Variants in PCDHGB4 observed in about 807,000 individuals in gnomAD.
PCDHGB4 encodes protocadherin gamma-B4.
A neutral mutation model predicts 60.5 loss-of-function variants in PCDHGB4; 38 were observed. That is an observed-to-expected ratio of 0.63 (90% CI 0.48 to 0.82). PCDHGB4 has a LOEUF of 0.82. Among genes scored for constraint, PCDHGB4 ranks in the 40% least tolerant of loss-of-function variants. The pLI, the probability that PCDHGB4 is intolerant of heterozygous loss-of-function variation, is 0.00. For missense variants in PCDHGB4, 1,109 were observed against 1,209.6 expected (o/e 0.92, Z 1.23); for synonymous variants, 456 against 509.7 (o/e 0.89, Z 1.42).
intron 1 of PCDHGB4, chr5:141,399,197 T>G: frequency 6.2e-7 from 1 of 1,613,926 alleles, no homozygotes; most frequent in Non-Finnish European, 8.5e-7. Context: ...GAAAACGCGG[T>G]GCCTGGAACA....
At position 141,489,185 on chromosome 5, in the gene PCDHGB4, T is replaced by TCTA; in HGVS notation, c.2398-5620_2398-5618dup. Reference sequence around the variant, plus strand: ...CAGCTGCTGCATTCCAAGCCCTGGGTCTACCTTGGAGACAGGACAGCACAG... The same window carrying TCTA: ...CAGCTGCTGCATTCCAAGCCCTGGGTCTACTACCTTGGAGACAGGACAGCACAG... On this transcript the variant is annotated intron_variant, in intron 1 of 3. Coordinates refer to ENST00000519479, the MANE Select transcript of PCDHGB4 (RefSeq NM_003736.4). This position sits in a 1 kb window ranked among gnomAD's most constrained non-coding sequence, Gnocchi z 4.5. 7.8e-7 allele frequency: 1 copy of TCTA among 1,286,838 alleles called. No homozygotes were observed. The highest frequency in any genetic ancestry group is 1.5e-5 in the South Asian group (1 of 65,798). The allele number at this position is 1,286,838 out of a possible 1,614,324, so 79.7% of individuals were successfully genotyped here.
rs370932300 is a variant in PCDHGB4, at chr5:141,459,955, G to A, written c.2398-34852G>A. Among the ~76,000 whole-genome samples, 15 of 152,316 alleles carry A rather than the reference G, an allele frequency of 9.8e-5. No homozygotes were observed. The East Asian group carries it at 2.3e-3, about 24-fold the overall frequency. The stretch of plus-strand genomic sequence containing the variant: ...TAGCTGGGCGTGATGGCAGGTGCCT[G>A]TAATCCCAGCTACTCAGGAGGCTGA... On this transcript the variant is annotated intron_variant, in intron 1 of 3. Coordinates refer to ENST00000519479, the MANE Select transcript of PCDHGB4 (RefSeq NM_003736.4).
Position 141,476,370 on chromosome 5 carries a change from A to G in PCDHGB4, c.2398-18437A>G, listed in dbSNP as rs747703594. 13 of 1,613,882 alleles carry G rather than the reference A, an allele frequency of 8.1e-6. No individual in the cohort carries two copies. In the East Asian group the frequency reaches 2.7e-4, roughly 33 times the overall value. On this transcript the variant is annotated intron_variant, in intron 1 of 3. Transcript: ENST00000519479. This position sits in a 1 kb window ranked among gnomAD's most constrained non-coding sequence, Gnocchi z 7.6. ...TTTGAGGTGAACCGGGAGACCGGAG[A>G]GATGTTTGTGAACGACCGTCTGGAT...
Position 141,388,337 on chromosome 5 carries a change from A to C in PCDHGB4, c.453A>C (p.Arg151=). The C allele has an allele frequency of 6.2e-7, 1 of 1,613,990 alleles. No homozygotes were observed. The highest frequency in any genetic ancestry group is 8.5e-7 in the Non-Finnish European group (1 of 1,179,872). ...GTGAGTCTGCACAGCCTGGCACACGATTTATATTAGGATCTGCCCATGATG... is the reference window on the plus strand; with the variant it reads ...GTGAGTCTGCACAGCCTGGCACACGCTTTATATTAGGATCTGCCCATGATG... The part of the protein sequence containing the change: ...QISESAQPGT[R]FILGSAHDAD... The change falls in exon 1 of 4, where the codon CGA becomes CGC. Residue 151 remains arginine (R), a synonymous_variant. Transcript: ENST00000519479.
rs763321545 is a variant in PCDHGB4 at position 141,389,799 on chromosome 5, C to A, written c.1915C>A (p.Arg639Ser). 1.2e-5 allele frequency: 19 copies of A among 1,613,678 alleles called. No individual in the cohort carries two copies. The South Asian group carries it at 1.9e-4, about 16-fold the overall frequency. The change falls in exon 1 of 4, where the codon CGC becomes AGC. Residue 639 changes from arginine to serine, a missense_variant. This residue lies in a region of PCDHGB4 where 1,068 missense variants were observed against 1,089.9 expected (regional missense o/e 0.98). Transcript: ENST00000519479. ...ALGDRDAVRQ[R>S]LLVAVRDGGQ... ...AGGCGACAGGGACGCCGTCCGCCAG[C>A]GCCTTCTGGTCGCCGTGCGTGACGG...
At chr5:141,461,133 T>C (rs2099009646) in intron 1 of PCDHGB4, among the ~76,000 whole-genome samples, 1 of 152,086 alleles carries the variant, frequency 6.6e-6, no homozygotes, top group South Asian at 2.1e-4. Flanking sequence ...TAATTACTTA[T>C]TTTCCTTTGG....
At chr5:141,408,251 C>T (rs761835750) in intron 1 of PCDHGB4, 6 of 1,597,008 alleles carry the variant, frequency 3.8e-6, no homozygotes, top group Middle Eastern at 1.7e-4. Context: ...GCGGCAGGTG[C>T]TATTTCCTTT....
intron 1 of PCDHGB4, chr5:141,418,292 T>A: frequency 6.2e-7 from 1 of 1,613,988 alleles, no homozygotes. Context: ...AATCAGTGAA[T>A]CCGTCAGCCT....
Position 141,477,849 on chromosome 5 carries a change from A to G in PCDHGB4, c.2398-16958A>G. ...CCTCGGCCAGGTGGGAGCTCGGTGGAGATGCTGCCTCGAGGTACCTCAGCT... is the reference window on the plus strand; with the variant it reads ...CCTCGGCCAGGTGGGAGCTCGGTGGGGATGCTGCCTCGAGGTACCTCAGCT... On this transcript the variant is annotated intron_variant, in intron 1 of 3. Transcript: ENST00000519479. This position sits in a 1 kb window ranked among gnomAD's most constrained non-coding sequence, Gnocchi z 4.9. The G allele has an allele frequency of 6.8e-6, 11 of 1,612,812 alleles. No individual in the cohort carries two copies. Among genetic ancestry groups the G allele is most frequent in the Non-Finnish European group, 8.5e-6 (10 of 1,179,548 alleles).
At chr5:141,456,492 G>C (rs542424798) in intron 1 of PCDHGB4, among the ~76,000 whole-genome samples, 1 of 152,284 alleles carries the variant, frequency 6.6e-6, no homozygotes, top group African/African-American at 2.4e-5. Flanking sequence ...GCTTAATAAA[G>C]GGGTTAACCA....
intron 1 of PCDHGB4, among the ~76,000 whole-genome samples, chr5:141,458,512 TG>T (rs995261761): frequency 1.3e-5 from 2 of 150,194 alleles, no homozygotes; most frequent in East Asian, 1.9e-4. Flanking sequence ...TTTGACACTT[TG>T]TTTTTTTTTT....
chr5:141,497,323 G>A lies in PCDHGB4; in HGVS notation c.2456+2458G>A, dbSNP rs373068300. Reference sequence around the variant, plus strand: ...CAGGCCATACACTGGCTTTGAAGCAGAATTCACCATTGAACCTGGAAGCCC... The same window carrying A: ...CAGGCCATACACTGGCTTTGAAGCAAAATTCACCATTGAACCTGGAAGCCC... On this transcript the variant is annotated intron_variant, in intron 2 of 3. Transcript: ENST00000519479. 1.2e-4 allele frequency among the ~76,000 whole-genome samples: 19 copies of A among 152,204 alleles called. No homozygotes were observed. In the East Asian group the frequency reaches 3.5e-3, roughly 28 times the overall value.
At chr5:141,455,013 C>T (rs1468289988) in intron 1 of PCDHGB4, among the ~76,000 whole-genome samples, 2 of 151,130 alleles carry the variant, frequency 1.3e-5, no homozygotes, top group African/African-American at 4.9e-5. Context: ...GGGGTTTCAC[C>T]GTGTTAGCCA....
In PCDHGB4 at chr5:141,454,796, A is replaced by ATTTTTTTTTTTTTTTTTTTTT. The variant is rs61612330; in HGVS notation, c.2398-40002_2398-39982dup. Reference sequence around the variant, plus strand: ...AAGGAAATAATCCTCCATGGTTCTAATTTTTTTTTTTTTTTTTTTTTTTTT... The same window carrying ATTTTTTTTTTTTTTTTTTTTT: ...AAGGAAATAATCCTCCATGGTTCTAATTTTTTTTTTTTTTTTTTTTTTTTTTTTTTTTTTTTTTTTTTTTTT... On this transcript the variant is annotated intron_variant, in intron 1 of 3. Transcript: ENST00000519479. Among the ~76,000 whole-genome samples, 10 of 77,454 alleles carry ATTTTTTTTTTTTTTTTTTTTT rather than the reference A, an allele frequency of 1.3e-4. 1 individual carries two copies. Among genetic ancestry groups the ATTTTTTTTTTTTTTTTTTTTT allele is most frequent in the Non-Finnish European group, 1.9e-4 (8 of 42,810 alleles). The allele number at this position is 77,454 out of a possible 152,430, so 50.8% of individuals were successfully genotyped here. A position where few individuals can be genotyped will look rare whatever the true frequency, so the allele number is the denominator to read the frequency against.
rs73794918 is a variant in PCDHGB4, at chr5:141,443,711, A to G, written c.2398-51096A>G. On this transcript the variant is annotated intron_variant, in intron 1 of 3. Coordinates refer to ENST00000519479, the MANE Select transcript of PCDHGB4 (RefSeq NM_003736.4). ...TCAAAAATTATAGAATAACATTTGC[A>G]TATAAAATTCCTCATACATTTCCCT... 9.8e-3 allele frequency among the ~76,000 whole-genome samples: 1,497 copies of G among 152,340 alleles called. 25 individuals are homozygous for G. Among genetic ancestry groups the G allele is most frequent in the African/African-American group, 0.033 (1,382 of 41,580 alleles).
chr5:141,398,566 C>T, intron 1 of PCDHGB4: 1 of 1,613,980 alleles, frequency 6.2e-7, no homozygotes, highest in Non-Finnish European at 8.5e-7. Flanking sequence ...TGAGTCTGCA[C>T]AGCCTGGCAC....
Position 141,448,649 on chromosome 5 carries a change from T to C in PCDHGB4, c.2398-46158T>C, listed in dbSNP as rs181402439. 1.4e-3 allele frequency among the ~76,000 whole-genome samples: 218 copies of C among 152,220 alleles called. 1 individual carries two copies. Among genetic ancestry groups the C allele is most frequent in the African/African-American group, 5.0e-3 (206 of 41,530 alleles). On this transcript the variant is annotated intron_variant, in intron 1 of 3. Transcript: ENST00000519479. ...CTTCACATTATATCCTTTAAAAATA[T>C]TTCCATATTGGCCGGGCGCGGTGGC...
chr5:141,511,711 T>G lies in PCDHGB4; in HGVS notation c.*538T>G. 1 of 185,916 alleles carries G rather than the reference T, an allele frequency of 5.4e-6. No individual in the cohort carries two copies. Among genetic ancestry groups the G allele is most frequent in the South Asian group, 1.1e-4 (1 of 8,818 alleles). The allele number at this position is 185,916 out of a possible 1,614,324, so 11.5% of individuals were successfully genotyped here. A position where few individuals can be genotyped will look rare whatever the true frequency, so the allele number is the denominator to read the frequency against. Reference sequence around the variant, plus strand: ...GTTTGGTGCCAGCCCCTTCACCTCCTTCCAGAGCCCAAGATCAATGCTCAA... The same window carrying G: ...GTTTGGTGCCAGCCCCTTCACCTCCGTCCAGAGCCCAAGATCAATGCTCAA... On this transcript the variant is annotated 3_prime_UTR_variant, in exon 4 of 4. Transcript: ENST00000519479.
In PCDHGB4 at chr5:141,409,485, G is replaced by A. The variant is rs374642418; in HGVS notation, c.2397+19204G>A. On this transcript the variant is annotated intron_variant, in intron 1 of 3. Coordinates refer to ENST00000519479, the MANE Select transcript of PCDHGB4 (RefSeq NM_003736.4). ...GTCACCATCGTAGCCACTGACAGGG[G>A]CAAGCCGCCTCTTTCTTCCAGTAGA... 9.9e-6 allele frequency: 16 copies of A among 1,613,856 alleles called. No homozygotes were observed. Among genetic ancestry groups the A allele is most frequent in the African/African-American group, 9.3e-5 (7 of 74,934 alleles).
Sources: allele counts gnomAD v4.1 joint callset (sites outside exome capture counted in the v4.1 genomes callset), GRCh38; gene constraint gnomAD v4.1.1; regional missense constraint gnomAD v4.1.1; non-coding constraint Gnocchi (gnomAD v3.1); transcripts MANE v1.5; gene names NCBI Gene and HGNC (gene_info 2026-07-23, HGNC 2026-07-21).